Variants in STXBP4 observed in about 807,000 individuals in gnomAD.
STXBP4 encodes syntaxin binding protein 4.
A neutral mutation model predicts 76.1 loss-of-function variants in STXBP4; 55 were observed. The ratio of observed to expected loss-of-function variants is 0.72; its 90% CI spans 0.58 to 0.91. STXBP4 has a LOEUF of 0.91. Among genes scored for constraint, STXBP4 ranks in the 40% least tolerant of loss-of-function variants. STXBP4 has a pLI of 0.00. For missense variants in STXBP4, 618 were observed against 636.9 expected, an observed-to-expected ratio of 0.97 and a Z score of 0.32; for synonymous variants, 201 against 220.2, an observed-to-expected ratio of 0.91 and a Z score of 0.77.
intron 17 of STXBP4, among the ~76,000 whole-genome samples, chr17:55,153,928 A>T (rs1001560740): frequency 6.6e-6 from 1 of 152,212 alleles, no homozygotes; most frequent in African/African-American, 2.4e-5. Flanking sequence ...TTTAGTTTAT[A>T]GAAGTTGTTC....
chr17:55,139,683 T>G (rs533689166), intron 16 of STXBP4, among the ~76,000 whole-genome samples: 12 of 152,146 alleles, frequency 7.9e-5, no homozygotes, highest in South Asian at 4.1e-4. Flanking sequence ...AGGAGACATA[T>G]AGTGACAGTC....
intron 8 of STXBP4, among the ~76,000 whole-genome samples, chr17:55,027,799 T>A (rs1415977208): frequency 6.6e-6 from 1 of 152,172 alleles, no homozygotes; most frequent in Non-Finnish European, 1.5e-5. Context: ...TTCATTAGTA[T>A]GGTTACCTCT....
At chr17:55,043,536 A>T in intron 11 of STXBP4, 1 of 1,288,060 alleles carries the variant, frequency 7.8e-7, no homozygotes, top group Non-Finnish European at 1.1e-6. Flanking sequence ...TCTGTGCAAC[A>T]TTTAGTGTGA....
At chr17:54,987,482 C>T (rs1248482262) in intron 3 of STXBP4, among the ~76,000 whole-genome samples, 2 of 152,146 alleles carry the variant, frequency 1.3e-5, no homozygotes, top group Non-Finnish European at 2.9e-5. Context: ...GTGATCCCTT[C>T]ATATCAGTTT....
chr17:55,145,238 C>T (rs1403873330), intron 17 of STXBP4, among the ~76,000 whole-genome samples: 7 of 152,192 alleles, frequency 4.6e-5, no homozygotes, highest in Admixed American at 4.6e-4. Flanking sequence ...AATTTTGAGT[C>T]TGTGTAGCCT....
At chr17:55,032,424 G>T (rs959042582) in intron 9 of STXBP4, among the ~76,000 whole-genome samples, 3 of 152,098 alleles carry the variant, frequency 2.0e-5, no homozygotes, top group African/African-American at 7.2e-5. Flanking sequence ...GTGAGCAGAG[G>T]CAGGTAAAGC....
At chr17:55,153,828 C>G (rs2080243395) in intron 17 of STXBP4, among the ~76,000 whole-genome samples, 1 of 152,148 alleles carries the variant, frequency 6.6e-6, no homozygotes, top group African/African-American at 2.4e-5. Flanking sequence ...ATTCGTTAAT[C>G]TGTATTCTGA....
At chr17:55,035,436 G>T (rs1203620155) in intron 10 of STXBP4, among the ~76,000 whole-genome samples, 1 of 151,260 alleles carries the variant, frequency 6.6e-6, no homozygotes, top group African/African-American at 2.4e-5. Flanking sequence ...TTCTCTGTTA[G>T]CTCTTATTTC....
chr17:55,022,039 A>G (rs1271047451), intron 8 of STXBP4, among the ~76,000 whole-genome samples: 1 of 151,938 alleles, frequency 6.6e-6, no homozygotes, highest in Admixed American at 6.6e-5. Flanking sequence ...TGATTTAATA[A>G]CACATGATAT....
intron 4 of STXBP4, 76 bp from the exon 5 acceptor site, chr17:54,999,269 A>G (rs1198017479): frequency 7.2e-6 from 9 of 1,247,852 alleles, no homozygotes; most frequent in Admixed American, 2.4e-5. Context: ...AAAACTTTTC[A>G]TTGCTTTAAT....
At chr17:55,140,995 G>A (rs1598345799) in intron 16 of STXBP4, among the ~76,000 whole-genome samples, 1 of 152,220 alleles carries the variant, frequency 6.6e-6, no homozygotes. Flanking sequence ...CTGCCTTCAG[G>A]CAAAAACCAT....
chr17:55,025,957 A>G (rs1228160509), intron 8 of STXBP4, among the ~76,000 whole-genome samples: 1 of 152,242 alleles, frequency 6.6e-6, no homozygotes, highest in African/African-American at 2.4e-5. Context: ...AAGATCATAT[A>G]TAAGAAGCAA....
chr17:54,972,673 G>T (rs545721914), intron 1 of STXBP4, among the ~76,000 whole-genome samples: 2 of 151,982 alleles, frequency 1.3e-5, no homozygotes, highest in African/African-American at 4.8e-5. Flanking sequence ...TCTCTGCCAC[G>T]AATTTTGGTT....
At chr17:55,144,392 A>G (rs114094322) in intron 17 of STXBP4, among the ~76,000 whole-genome samples, 1,913 of 152,306 alleles carry the variant, frequency 0.013, 36 homozygotes, top group African/African-American at 0.043. Flanking sequence ...TTACTTTAAT[A>G]TATGTTACAC....
intron 2 of STXBP4, among the ~76,000 whole-genome samples, chr17:54,985,939 T>A (rs1168128091): frequency 6.6e-6 from 1 of 152,216 alleles, no homozygotes; most frequent in Non-Finnish European, 1.5e-5. Flanking sequence ...GACTTATCTA[T>A]CTAATGAGCT....
intron 7 of STXBP4, among the ~76,000 whole-genome samples, chr17:55,004,110 G>A (rs2077964653): frequency 6.6e-6 from 1 of 151,860 alleles, no homozygotes; most frequent in South Asian, 2.1e-4. Context: ...TTGAACCCAG[G>A]AGGCAGAGGT....
chr17:55,019,946 C>T (rs2078277424), intron 8 of STXBP4, among the ~76,000 whole-genome samples: 1 of 151,988 alleles, frequency 6.6e-6, no homozygotes. Context: ...GAAAATATTA[C>T]CTGTTATTGG....
intron 12 of STXBP4, among the ~76,000 whole-genome samples, chr17:55,051,335 AAGAT>A (rs1209588841): frequency 8.5e-5 from 13 of 152,320 alleles, no homozygotes; most frequent in Admixed American, 1.3e-4. Context: ...AAAAAAAACA[AAGAT>A]AGAACCAATT....
chr17:55,086,671 TG>T lies in STXBP4; in HGVS notation c.1489+5489del, dbSNP rs570605380. ...ACATTTTCCTTATCCATTCGTCTGT[TG>T]TTGCACACTAAGGTTGATTCCATAT... On this transcript the variant is annotated intron_variant, in intron 16 of 17. Coordinates refer to ENST00000376352, the MANE Select transcript of STXBP4 (RefSeq NM_178509.6). Among the ~76,000 whole-genome samples, 462 of 152,302 alleles carry T rather than the reference TG, an allele frequency of 3.0e-3. 2 individuals carry two copies. The highest frequency in any genetic ancestry group is 0.011 in the African/African-American group (448 of 41,564).
Sources: gnomAD v4.1 joint callset for allele counts (sites outside exome capture counted in the v4.1 genomes callset) on GRCh38, gnomAD v4.1.1 for gene constraint, MANE v1.5 for transcripts, NCBI Gene and HGNC (gene_info 2026-07-23, HGNC 2026-07-21) for gene names.